Variants in SYN3 observed in about 807,000 individuals in gnomAD.
SYN3 encodes the protein synapsin-3.
Under a neutral mutation model 65.8 loss-of-function variants are expected in SYN3, and 35 were observed. The ratio of observed to expected loss-of-function variants is 0.53; its 90% CI spans 0.41 to 0.70. The LOEUF (loss-of-function observed/expected upper bound fraction) is 0.70, where lower values mean the gene tolerates loss of function less well. Among genes scored for constraint, SYN3 ranks in the 30% least tolerant of loss-of-function variants. SYN3 has a pLI of 0.00. For missense variants in SYN3, 680 were observed against 749.0 expected (o/e 0.91, Z 1.08); for synonymous variants, 270 against 292.9 (o/e 0.92, Z 0.80).
At chr22:32,855,183 C>A (rs1001643429) in intron 6 of SYN3, among the ~76,000 whole-genome samples, 2 of 152,218 alleles carry the variant, frequency 1.3e-5, no homozygotes, top group African/African-American at 4.8e-5. Flanking sequence ...TTGTGCAACA[C>A]CTTGGTGCCC....
At chr22:32,532,925 G>A (rs2058101619) in intron 10 of SYN3, among the ~76,000 whole-genome samples, 1 of 152,022 alleles carries the variant, frequency 6.6e-6, no homozygotes. Flanking sequence ...CGGACTCTGA[G>A]GCCAGAGGGG....
rs1446228800 is a variant in SYN3 at position 32,801,546 on chromosome 22, C to G, written c.711+63369G>C. Among the ~76,000 whole-genome samples the G allele has an allele frequency of 3.9e-5, 6 of 152,298 alleles. No individual in the cohort carries two copies. The highest frequency in any genetic ancestry group is 1.4e-4 in the African/African-American group (6 of 41,580). ...AGGATCTGAACGATCCGGGGGCGGC[C>G]CCGCCCCGTTACCCCTTGCCCCCGG... On this transcript the variant is annotated intron_variant, in intron 6 of 13. Transcript: ENST00000358763. The surrounding 1 kb of genome is among the most constrained non-coding windows in gnomAD (Gnocchi z 4.7).
intron 1 of SYN3, among the ~76,000 whole-genome samples, chr22:33,035,439 C>T (rs945319245): frequency 1.4e-5 from 2 of 145,680 alleles, no homozygotes; most frequent in Non-Finnish European, 3.0e-5. Context: ...CATTATGCAT[C>T]AGCCAGGTCC....
At chr22:32,735,641 C>T (rs1038858977) in intron 6 of SYN3, among the ~76,000 whole-genome samples, 44 of 152,154 alleles carry the variant, frequency 2.9e-4, no homozygotes, top group Non-Finnish European at 2.9e-5. Context: ...CCCAACATGA[C>T]AGATCTTCAA....
intron 6 of SYN3, among the ~76,000 whole-genome samples, chr22:32,636,259 G>A (rs1024828761): frequency 3.9e-5 from 6 of 152,054 alleles, no homozygotes; most frequent in Non-Finnish European, 7.4e-5. Flanking sequence ...AAAATCAGCC[G>A]GGCGTGGTGG....
At chr22:32,736,831 C>T (rs2061341627) in intron 6 of SYN3, among the ~76,000 whole-genome samples, 2 of 152,136 alleles carry the variant, frequency 1.3e-5, no homozygotes, top group African/African-American at 4.8e-5. Context: ...CATGTGACTT[C>T]CTTTAAAACG....
intron 7 of SYN3, among the ~76,000 whole-genome samples, chr22:32,557,902 T>C (rs975049938): frequency 6.6e-6 from 1 of 152,238 alleles, no homozygotes; most frequent in Non-Finnish European, 1.5e-5. Flanking sequence ...TTGTCACTTT[T>C]CATATGTTTT....
chr22:33,041,029 C>T lies in SYN3; in HGVS notation c.-163+17263G>A, dbSNP rs55953050. 6.5e-3 allele frequency among the ~76,000 whole-genome samples: 982 copies of T among 150,616 alleles called. 8 individuals are homozygous for T. Among genetic ancestry groups the T allele is most frequent in the South Asian group, 0.029 (136 of 4,744 alleles). ...TCCCTGGTTCAAGCGATTCTCCTGC[C>T]TCAGCCTCCCGAGTAGCTGGGATTA... is the stretch of plus-strand genomic sequence containing the variant. On this transcript the variant is annotated intron_variant, in intron 1 of 13. Transcript: ENST00000358763.
intron 1 of SYN3, among the ~76,000 whole-genome samples, chr22:33,021,314 A>C (rs1180471805): frequency 6.6e-6 from 1 of 152,184 alleles, no homozygotes; most frequent in Non-Finnish European, 1.5e-5. Flanking sequence ...TTATTTTTTA[A>C]GTTAACATAG....
intron 6 of SYN3, among the ~76,000 whole-genome samples, chr22:32,784,109 T>C (rs1221133641): frequency 3.3e-5 from 5 of 152,212 alleles, no homozygotes; most frequent in Non-Finnish European, 7.3e-5. Context: ...CCCTGTGTTT[T>C]CTGGGGCTTT....
At chr22:32,893,692 G>A (rs1378761087) in intron 4 of SYN3, among the ~76,000 whole-genome samples, 3 of 152,072 alleles carry the variant, frequency 2.0e-5, no homozygotes, top group Admixed American at 6.6e-5. Flanking sequence ...TGCTGTATAT[G>A]CTATTCCTTT....
At chr22:32,834,328 T>TTA (rs757844704) in intron 6 of SYN3, among the ~76,000 whole-genome samples, 5 of 151,606 alleles carry the variant, frequency 3.3e-5, no homozygotes, top group South Asian at 2.1e-4. Flanking sequence ...AATTTATTTT[T>TTA]TTTTTTGTAT....
chr22:33,026,921 C>A (rs752132754), intron 1 of SYN3, among the ~76,000 whole-genome samples: 10 of 152,222 alleles, frequency 6.6e-5, no homozygotes, highest in Admixed American at 3.3e-4. Flanking sequence ...AAGGGCACTT[C>A]ACCAGAGGCT....
rs1284278849 is a variant in SYN3 at position 32,558,210 on chromosome 22, A to T, written c.775-16497T>A. 2.0e-5 allele frequency among the ~76,000 whole-genome samples: 3 copies of T among 152,322 alleles called. No homozygotes were observed. The East Asian group carries it at 5.8e-4, about 29-fold the overall frequency. ...GCAAGTGAGGGAATGAGGAGTTAGG[A>T]GGAAAATTAGGAGAAAGGCAATTCC... On this transcript the variant is annotated intron_variant, in intron 7 of 13. Coordinates refer to ENST00000358763, the MANE Select transcript of SYN3 (RefSeq NM_003490.4).
chr22:32,701,912 A>T (rs1260323416), intron 6 of SYN3, among the ~76,000 whole-genome samples: 2 of 152,222 alleles, frequency 1.3e-5, no homozygotes, highest in Non-Finnish European at 2.9e-5. Flanking sequence ...AAGAAGCTCA[A>T]TGAACCTGAA....
rs112104867 is a variant in SYN3 at position 32,531,316 on chromosome 22, C to T, written c.1096-2308G>A. Among the ~76,000 whole-genome samples, 7 of 152,116 alleles carry T rather than the reference C, an allele frequency of 4.6e-5. No individual in the cohort carries two copies. The East Asian group carries it at 7.7e-4, about 17-fold the overall frequency. ...GCTGAGCTCTGACTGTGGAGTCTGC[C>T]GCGAAGGTACACAGGCTTGCTGCAC... On this transcript the variant is annotated intron_variant, in intron 10 of 13. Transcript: ENST00000358763.
At chr22:32,561,682 GTT>G (rs2058588594) in intron 7 of SYN3, among the ~76,000 whole-genome samples, 2 of 152,198 alleles carry the variant, frequency 1.3e-5, no homozygotes, top group South Asian at 4.1e-4. Flanking sequence ...TGATCAGAGA[GTT>G]TGAAGGAGAA....
chr22:32,700,624 A>C (rs1213268768), intron 6 of SYN3, among the ~76,000 whole-genome samples: 1 of 152,236 alleles, frequency 6.6e-6, no homozygotes, highest in East Asian at 1.9e-4. Flanking sequence ...CAACCAATGC[A>C]TCAGCCAACA....
intron 4 of SYN3, among the ~76,000 whole-genome samples, chr22:32,906,102 CA>C (rs760825027): frequency 2.6e-5 from 4 of 152,182 alleles, no homozygotes; most frequent in Admixed American, 6.5e-5. Context: ...TCCAAGGACA[CA>C]GAGGGAAGAA....
Sources: gnomAD v4.1 joint callset for allele counts (sites outside exome capture counted in the v4.1 genomes callset) on GRCh38, gnomAD v4.1.1 for gene constraint, Gnocchi (gnomAD v3.1) non-coding constraint, MANE v1.5 for transcripts, NCBI Gene and HGNC (gene_info 2026-07-23, HGNC 2026-07-21) for gene names.